The following CUBN variants were observed in gnomAD, a reference collection of about 807,000 sequenced individuals.
CUBN encodes 460 kDa receptor.
Under a neutral mutation model 405.3 loss-of-function variants are expected in CUBN, and 282 were observed. That is an observed-to-expected ratio of 0.70 (90% CI 0.63 to 0.77). The LOEUF is 0.77. Ranked by LOEUF, CUBN falls within the 30% of genes least tolerant of loss-of-function variation. The pLI is 0.00. For missense variants in CUBN, 4,514 were observed against 4,475.2 expected, an observed-to-expected ratio of 1.01 and a Z score of -0.25; for synonymous variants, 1,684 against 1,617.0, an observed-to-expected ratio of 1.04 and a Z score of -0.99.
chr10:17,004,148 C>T (rs1377916029), intron 28 of CUBN, among the ~76,000 whole-genome samples: 1 of 152,118 alleles, frequency 6.6e-6, no homozygotes, highest in Admixed American at 6.5e-5. Context: ...TCACAGAGTC[C>T]GTGAAGATTT....
chr10:16,960,378 G>C (rs1843181335), intron 31 of CUBN, among the ~76,000 whole-genome samples: 2 of 152,142 alleles, frequency 1.3e-5, no homozygotes, highest in East Asian at 3.9e-4. Flanking sequence ...TGTAATCCCA[G>C]CTACCTGGGA....
chr10:17,018,672 C>G (rs1043033266), intron 28 of CUBN, among the ~76,000 whole-genome samples: 1 of 152,136 alleles, frequency 6.6e-6, no homozygotes, highest in Non-Finnish European at 1.5e-5. Context: ...TTTGGCCCTG[C>G]CCACGTCCTG....
chr10:17,025,644 T>C (rs1172376302), intron 27 of CUBN, among the ~76,000 whole-genome samples: 4 of 152,014 alleles, frequency 2.6e-5, no homozygotes, highest in Non-Finnish European at 5.9e-5. Flanking sequence ...AAAATAGCTA[T>C]GAGAAAAGAA....
intron 31 of CUBN, among the ~76,000 whole-genome samples, chr10:16,971,229 T>C (rs975045769): frequency 2.0e-5 from 3 of 152,212 alleles, no homozygotes; most frequent in Admixed American, 6.5e-5. Context: ...AAATGAAGGA[T>C]TGGCTTTATA....
intron 12 of CUBN, among the ~76,000 whole-genome samples, chr10:17,103,866 A>G (rs1170225248): frequency 6.6e-6 from 1 of 152,216 alleles, no homozygotes; most frequent in African/African-American, 2.4e-5. Context: ...AAATGAACAC[A>G]GTGGAAAATA....
intron 31 of CUBN, among the ~76,000 whole-genome samples, chr10:16,977,836 G>A (rs959611615): frequency 6.6e-6 from 1 of 152,172 alleles, no homozygotes; most frequent in African/African-American, 2.4e-5. Context: ...TGCCCATAAG[G>A]GGTTTGAACC....
intron 3 of CUBN, among the ~76,000 whole-genome samples, chr10:17,127,264 CTT>C (rs34414528): frequency 4.8e-5 from 4 of 82,832 alleles, no homozygotes; most frequent in African/African-American, 1.1e-4. Context: ...CTCTCTCTTT[CTT>C]TTTTTTTTTT....
chr10:17,036,909 A>G (rs898134146), intron 27 of CUBN, among the ~76,000 whole-genome samples: 8 of 152,122 alleles, frequency 5.3e-5, no homozygotes, highest in African/African-American at 1.7e-4. Context: ...CTCCCGGGGT[A>G]TGTGGTGTTA....
intron 43 of CUBN, among the ~76,000 whole-genome samples, chr10:16,922,152 G>A (rs1305846217): frequency 6.6e-6 from 1 of 151,786 alleles, no homozygotes; most frequent in Non-Finnish European, 1.5e-5. Context: ...TTTGTTTACT[G>A]CCACATCCCC....
At chr10:16,945,390 G>A (rs1842748823) in intron 36 of CUBN, among the ~76,000 whole-genome samples, 1 of 152,168 alleles carries the variant, frequency 6.6e-6, no homozygotes, top group South Asian at 2.1e-4. Context: ...TATCTGTTGA[G>A]TGAAAGAATA....
At chr10:16,984,975 G>A (rs990802064) in intron 29 of CUBN, among the ~76,000 whole-genome samples, 6 of 152,196 alleles carry the variant, frequency 3.9e-5, no homozygotes, top group African/African-American at 1.4e-4. Context: ...ACCTGACTAA[G>A]TGCATCCCAC....
chr10:16,874,881 A>G (rs1467722296), intron 57 of CUBN, among the ~76,000 whole-genome samples: 4 of 152,304 alleles, frequency 2.6e-5, no homozygotes, highest in Admixed American at 6.5e-5. Flanking sequence ...AAAGGCGGCC[A>G]GAATGATGTT....
chr10:16,954,812 TC>T (rs1486047993), intron 31 of CUBN, among the ~76,000 whole-genome samples: 1 of 151,964 alleles, frequency 6.6e-6, no homozygotes, highest in Non-Finnish European at 1.5e-5. Context: ...CCTTCCACAC[TC>T]CCCTTCCTTC....
chr10:16,945,423 T>C (rs1489513811), intron 36 of CUBN, among the ~76,000 whole-genome samples: 1 of 152,126 alleles, frequency 6.6e-6, no homozygotes, highest in African/African-American at 2.4e-5. Context: ...GTAAACATTA[T>C]AAAGTATATA....
At position 17,104,958 on chromosome 10, in the gene CUBN, G is replaced by A. The variant is rs558498771; in HGVS notation, c.1231-353C>T. 7.5e-4 allele frequency among the ~76,000 whole-genome samples: 113 copies of A among 151,278 alleles called. 1 individual carries two copies. Among genetic ancestry groups the A allele is most frequent in the Middle Eastern group, 3.4e-3 (1 of 292 alleles). On this transcript the variant is annotated intron_variant, in intron 11 of 66. Transcript: ENST00000377833. ...TGAGTAGCTGGGATTACAGGCACGC[G>A]CCACCACACCTGGCTAACTTTTTGC...
intron 40 of CUBN, 79 bp downstream of exon 40, chr10:16,933,008 G>T: frequency 7.0e-7 from 1 of 1,422,642 alleles, no homozygotes. Context: ...GATGGAGGCA[G>T]TATGCAAGTC....
intron 48 of CUBN, among the ~76,000 whole-genome samples, chr10:16,909,283 G>A (rs1841654367): frequency 6.6e-6 from 1 of 152,168 alleles, no homozygotes; most frequent in Admixed American, 6.5e-5. Flanking sequence ...CAGAAGAAGA[G>A]TTTGCTATCA....
chr10:16,964,471 G>A (rs1268636415), intron 31 of CUBN, among the ~76,000 whole-genome samples: 1 of 152,128 alleles, frequency 6.6e-6, no homozygotes, highest in Non-Finnish European at 1.5e-5. Context: ...ATGAGTGCGT[G>A]TATATATTTG....
intron 28 of CUBN, among the ~76,000 whole-genome samples, chr10:17,015,366 C>G (rs1008195224): frequency 1.9e-4 from 29 of 152,148 alleles, no homozygotes; most frequent in Admixed American, 3.3e-4. Flanking sequence ...ATAGCTCCAG[C>G]TTTGGCTAAT....
Sources: allele counts gnomAD v4.1 joint callset (sites outside exome capture counted in the v4.1 genomes callset), GRCh38; gene constraint gnomAD v4.1.1; transcripts MANE v1.5; gene names NCBI Gene and HGNC (gene_info 2026-07-23, HGNC 2026-07-21).